The following RIF1 variants were observed in gnomAD, a reference collection of about 807,000 sequenced individuals.
RIF1 encodes the protein telomere-associated protein RIF1.
In RIF1, 45 loss-of-function variants were observed where a neutral mutation model predicts 247.1. The ratio of observed to expected loss-of-function variants is 0.18; its 90% CI spans 0.14 to 0.23. The LOEUF is 0.23. Among genes scored for constraint, RIF1 ranks in the 10% least tolerant of loss-of-function variants. RIF1 has a pLI of 1.00. For synonymous variants in RIF1, 1,087 were observed against 978.8 expected (o/e 1.11, Z -2.06); for missense variants, 2,967 against 2,862.5 (o/e 1.04, Z -0.83).
rs764003705 is a variant in RIF1, at chr2:151,464,063, G to A, written c.4543G>A (p.Gly1515Arg). 13 of 1,612,996 alleles carry A rather than the reference G, an allele frequency of 8.1e-6. No homozygotes were observed. Among genetic ancestry groups the A allele is most frequent in the Non-Finnish European group, 1.7e-6 (2 of 1,179,750 alleles). Reference protein sequence around the residue: ...KADPENIKSEGDGTQDIVDKS... With the variant: ...KADPENIKSERDGTQDIVDKS... ...AGACCCTGAGAACATTAAGTCTGAG[G>A]GGGATGGTACCCAGGACATTGTAGA... is the stretch of plus-strand genomic sequence containing the variant. The change falls in exon 30 of 36, where the codon GGG (glycine) becomes AGG (arginine). Residue 1515 changes from glycine (G) to arginine (R), a missense_variant. Gly to Arg is a moderately radical substitution (Grantham distance 125). Coordinates refer to ENST00000444746, the MANE Select transcript of RIF1 (RefSeq NM_018151.5).
chr2:151,431,441 T>G (rs1242375786), intron 9 of RIF1, among the ~76,000 whole-genome samples: 1 of 152,224 alleles, frequency 6.6e-6, no homozygotes, highest in East Asian at 1.9e-4. Flanking sequence ...GGAGATTGGT[T>G]TATTGCATGG....
In RIF1 at chr2:151,464,330, T is replaced by C. The variant is rs1467640807; in HGVS notation, c.4810T>C (p.Tyr1604His). 6.2e-7 allele frequency: 1 copy of C among 1,610,726 alleles called. No individual in the cohort carries two copies. Among genetic ancestry groups the C allele is most frequent in the South Asian group, 1.1e-5 (1 of 90,136 alleles). The change falls in exon 30 of 36, where the codon TAT becomes CAT. Residue 1604 changes from tyrosine to histidine, a missense_variant. Coordinates refer to ENST00000444746, the MANE Select transcript of RIF1 (RefSeq NM_018151.5). ...AAAAGCTGAAAATCAGTCACATGAT[T>C]ATAAAGCAACTTCTGAAGAAGATGT... ...CIKAENQSHD[Y>H]KATSEEDVSI...
At chr2:151,450,934 C>T (rs1694206758) in intron 20 of RIF1, among the ~76,000 whole-genome samples, 1 of 152,130 alleles carries the variant, frequency 6.6e-6, no homozygotes, top group South Asian at 2.1e-4. Flanking sequence ...AAAACTTTTA[C>T]TTCATAATTT....
At chr2:151,513,799 CA>C in the RIF1 span, 1 of 781,508 alleles carries the variant, frequency 1.3e-6, no homozygotes. Context: ...CCAGTTGTCA[CA>C]GATAGTGTCG....
Position 151,454,998 on chromosome 2 carries a change from A to G in RIF1, c.2448A>G (p.Thr816=), listed in dbSNP as rs763961663. ...LIVKVIYSFH[T]LSFKEAHSDT... ...TGAAAGTGATCTATTCTTTCCACAC[A>G]CTGAGCTTCAAGGAAGCACATTCTG... is the stretch of plus-strand genomic sequence containing the variant. Residue 816 remains threonine, a synonymous_variant, in exon 22 of 36, where the codon ACA becomes ACG. Transcript: ENST00000444746. 2.5e-6 allele frequency: 4 copies of G among 1,613,778 alleles called. No homozygotes were observed. Among genetic ancestry groups the G allele is most frequent in the African/African-American group, 2.7e-5 (2 of 74,920 alleles).
At chr2:151,417,007 T>G in intron 6 of RIF1, 106 bp downstream of exon 6, 6 of 770,016 alleles carry the variant, frequency 7.8e-6, no homozygotes, top group Non-Finnish European at 6.4e-6. Flanking sequence ...AAGGGGGGAA[T>G]GTCATTTACA....
Position 151,415,868 on chromosome 2 carries a change from C to A in RIF1, c.281-693C>A, listed in dbSNP as rs151337171. Among the ~76,000 whole-genome samples, 588 of 152,108 alleles carry A rather than the reference C, an allele frequency of 3.9e-3. 4 individuals carry two copies. Among genetic ancestry groups the A allele is most frequent in the African/African-American group, 0.013 (530 of 41,502 alleles). The stretch of plus-strand genomic sequence containing the variant: ...CTCCAGCCTGGGCAAGAGTGAAACT[C>A]CGTCTCAAAAAAAATCAAATGAAAA... On this transcript the variant is annotated intron_variant, in intron 4 of 35. Transcript: ENST00000444746.
At chr2:151,517,876 A>G in the RIF1 span, among the ~76,000 whole-genome samples, 1 of 152,244 alleles carries the variant, frequency 6.6e-6, no homozygotes, top group South Asian at 2.1e-4. Flanking sequence ...GACCAAAAAC[A>G]TCATGCGGTA....
chr2:151,507,717 C>T, intron 13 of RIF1: 2 of 344,360 alleles, frequency 5.8e-6, no homozygotes, highest in Non-Finnish European at 1.1e-5. Context: ...GTTAATCTGT[C>T]TTTTGTTACA....
At chr2:151,505,986 G>A (rs1292553202) in intron 12 of RIF1, 16 of 624,212 alleles carry the variant, frequency 2.6e-5, no homozygotes, top group East Asian at 1.6e-4. Context: ...CATGAAAACC[G>A]CCAAGGCACT....
chr2:151,494,248 C>G, intron 9 of RIF1: 1 of 1,594,226 alleles, frequency 6.3e-7, no homozygotes, highest in Non-Finnish European at 8.6e-7. Context: ...TTTCTTTGTA[C>G]AAAACCTATG....
At chr2:151,413,775 G>T (rs1471314796) in intron 3 of RIF1, among the ~76,000 whole-genome samples, 1 of 152,146 alleles carries the variant, frequency 6.6e-6, no homozygotes. Flanking sequence ...CTGCAGGGAA[G>T]TATCTGCTCA....
intron 10 of RIF1, among the ~76,000 whole-genome samples, chr2:151,435,212 G>A (rs1690933892): frequency 6.6e-6 from 1 of 152,150 alleles, no homozygotes; most frequent in African/African-American, 2.4e-5. Flanking sequence ...GTTAAAATTA[G>A]TCTACCAGTA....
intron 6 of RIF1, among the ~76,000 whole-genome samples, chr2:151,418,925 C>A: frequency 6.8e-6 from 1 of 146,032 alleles, no homozygotes; most frequent in Non-Finnish European, 1.5e-5. Flanking sequence ...ATTGTGCAAA[C>A]ATATTTTCCC....
chr2:151,495,215 G>GTATC (rs1054225514), intron 9 of RIF1: 1 of 152,160 alleles, frequency 6.6e-6, no homozygotes, highest in African/African-American at 2.4e-5. Context: ...CTCAACCTCG[G>GTATC]TATCTCCCCT....
intron 22 of RIF1, among the ~76,000 whole-genome samples, chr2:151,455,696 C>T (rs1019979186): frequency 6.6e-6 from 1 of 152,052 alleles, no homozygotes; most frequent in Non-Finnish European, 1.5e-5. Flanking sequence ...CATGCAAATA[C>T]AATTTGTTTT....
At position 151,476,286 on chromosome 2, in the gene RIF1, A is replaced by T. The variant is rs1417949747; in HGVS notation, c.*1215A>T. The T allele has an allele frequency of 6.6e-6, 1 of 152,204 alleles. No homozygotes were observed. Among genetic ancestry groups the T allele is most frequent in the Non-Finnish European group, 1.5e-5 (1 of 68,014 alleles). The allele number at this position is 152,204 out of a possible 1,614,324, so 9.4% of individuals were successfully genotyped here. A position where few individuals can be genotyped will look rare whatever the true frequency, so the allele number is the denominator to read the frequency against. On this transcript the variant is annotated 3_prime_UTR_variant, in exon 36 of 36. Transcript: ENST00000444746. ...GAAGAAATTTGAAACTGATGTTTTTAATATATGTCTGTGTTGCCTAGGTTT... is the reference window on the plus strand; with the variant it reads ...GAAGAAATTTGAAACTGATGTTTTTTATATATGTCTGTGTTGCCTAGGTTT...
intron 19 of RIF1, 22 bp from the exon 20 acceptor site, chr2:151,446,404 C>CT: frequency 1.9e-6 from 3 of 1,605,720 alleles, no homozygotes; most frequent in Non-Finnish European, 2.6e-6. Flanking sequence ...AACAAAACTT[C>CT]TTTTTTTGTT....
At chr2:151,482,993 T>TAAG (rs1425834067), downstream of RIF1, among the ~76,000 whole-genome samples, 2 of 151,618 alleles carry the variant, frequency 1.3e-5, no homozygotes, top group Non-Finnish European at 2.9e-5. Context: ...TTCCCTTTTA[T>TAAG]AAGGATAGCA....
Sources: gnomAD v4.1 joint callset for allele counts (sites outside exome capture counted in the v4.1 genomes callset) on GRCh38, gnomAD v4.1.1 for gene constraint, MANE v1.5 for transcripts, NCBI Gene and HGNC (gene_info 2026-07-23, HGNC 2026-07-21) for gene names.